Variants in RBFOX1 observed in about 807,000 individuals in gnomAD.
The protein encoded by RBFOX1 is RNA binding fox-1 homolog 1, also known as RNA binding protein fox-1 homolog 1.
RBFOX1 carries 8 observed loss-of-function variants against 57.7 expected under a neutral mutation model. The observed-to-expected ratio is 0.14, with a 90% CI of 0.08 to 0.25. RBFOX1 has a LOEUF of 0.25. RBFOX1 is among the 10% of genes least tolerant of loss of function. RBFOX1 has a pLI of 1.00. For synonymous variants in RBFOX1, 326 were observed against 222.4 expected (o/e 1.47, Z -4.15); for missense variants, 611 against 548.5 (o/e 1.11, Z -1.14).
At chr16:5,719,694 G>A (rs1434151878) in intron 3 of RBFOX1, among the ~76,000 whole-genome samples, 1 of 151,926 alleles carries the variant, frequency 6.6e-6, no homozygotes, top group Non-Finnish European at 1.5e-5. Context: ...TTTTTTTGCT[G>A]AGCATAAATG....
intron 3 of RBFOX1, among the ~76,000 whole-genome samples, chr16:6,968,432 A>G (rs2084776876): frequency 6.6e-6 from 1 of 152,102 alleles, no homozygotes; most frequent in Non-Finnish European, 1.5e-5. Flanking sequence ...CACGCAGCTG[A>G]AATAAAAGCA....
chr16:7,112,361 C>G (rs988287456), intron 4 of RBFOX1, among the ~76,000 whole-genome samples: 33 of 142,148 alleles, frequency 2.3e-4, no homozygotes, highest in African/African-American at 8.2e-4. Context: ...TGCCACCACA[C>G]CTGGCTAATT....
At chr16:7,062,946 C>G (rs927251737) in intron 4 of RBFOX1, among the ~76,000 whole-genome samples, 2 of 63,080 alleles carry the variant, frequency 3.2e-5, no homozygotes, top group Non-Finnish European at 6.2e-5. Flanking sequence ...TTAGTCAGAC[C>G]TATTCCTTTT....
At chr16:6,514,162 G>A (rs923251203) in intron 2 of RBFOX1, among the ~76,000 whole-genome samples, 1 of 152,150 alleles carries the variant, frequency 6.6e-6, no homozygotes, top group African/African-American at 2.4e-5. Flanking sequence ...TGCTCTTTCT[G>A]CTTTTGAGCC....
chr16:5,674,597 C>T (rs1475881673), intron 3 of RBFOX1, among the ~76,000 whole-genome samples: 3 of 152,232 alleles, frequency 2.0e-5, no homozygotes, highest in Non-Finnish European at 2.9e-5. Context: ...TTGGAAGCAT[C>T]TCATAGAACA....
intron 2 of RBFOX1, among the ~76,000 whole-genome samples, chr16:6,474,989 A>G (rs1034513673): frequency 6.6e-6 from 1 of 152,218 alleles, no homozygotes; most frequent in East Asian, 1.9e-4. Context: ...CTTACAGCAC[A>G]AAGTGTTCAT....
chr16:7,029,059 T>TATAC (rs2041886024), intron 3 of RBFOX1, among the ~76,000 whole-genome samples: 1 of 30,242 alleles, frequency 3.3e-5, no homozygotes, highest in Non-Finnish European at 5.0e-5. Context: ...TATATATATA[T>TATAC]ATATATATAT....
intron 2 of RBFOX1, among the ~76,000 whole-genome samples, chr16:6,533,332 C>G (rs1476971): frequency 0.44 from 67,529 of 152,000 alleles, 15,371 homozygotes; most frequent in Non-Finnish European, 0.49. Context: ...ATTTGAGAAC[C>G]TGGCTCAGAA....
At chr16:6,869,402 C>A (rs2060483835) in intron 3 of RBFOX1, among the ~76,000 whole-genome samples, 1 of 151,768 alleles carries the variant, frequency 6.6e-6, no homozygotes, top group Non-Finnish European at 1.5e-5. Context: ...CTTTCAAGCT[C>A]CAAATTCTGT....
At chr16:5,585,183 G>A (rs72763257) in intron 2 of RBFOX1, among the ~76,000 whole-genome samples, 16 of 151,470 alleles carry the variant, frequency 1.1e-4, no homozygotes, top group East Asian at 3.9e-4. Flanking sequence ...CCCTCCCCCC[G>A]TCCCTGGAAA....
intron 5 of RBFOX1, among the ~76,000 whole-genome samples, chr16:7,567,806 TC>T (rs535776888): frequency 6.8e-6 from 1 of 147,924 alleles, no homozygotes; most frequent in Non-Finnish European, 1.5e-5. Flanking sequence ...CCTATATATA[TC>T]CCCATATATA....
chr16:7,710,005 C>T lies in RBFOX1; in HGVS notation c.1072-618C>T, dbSNP rs1234486475. ...TTTAGAAAAAGGAAATCGTTAAGTG[C>T]CACCTTGTAGCCATTAAAACCATGG... On this transcript the variant is annotated intron_variant, in intron 15 of 15. Coordinates refer to ENST00000550418, the MANE Select transcript of RBFOX1 (RefSeq NM_018723.4). 9 of 1,008,416 alleles carry T rather than the reference C, an allele frequency of 8.9e-6. No homozygotes were observed. The East Asian group carries it at 3.3e-4, about 37-fold the overall frequency. The allele number at this position is 1,008,416 out of a possible 1,614,324, so 62.5% of individuals were successfully genotyped here.
At chr16:6,620,742 G>C (rs913505764) in intron 2 of RBFOX1, among the ~76,000 whole-genome samples, 2 of 152,114 alleles carry the variant, frequency 1.3e-5, no homozygotes, top group African/African-American at 4.8e-5. Flanking sequence ...ACATAAACTA[G>C]AAACTCTGAA....
chr16:6,845,262 C>G (rs760266663), intron 3 of RBFOX1, among the ~76,000 whole-genome samples: 3 of 151,924 alleles, frequency 2.0e-5, no homozygotes, highest in Non-Finnish European at 4.4e-5. Context: ...GTACCTGTGT[C>G]CTGAATGGTA....
chr16:6,988,836 A>G (rs538829379), intron 3 of RBFOX1, among the ~76,000 whole-genome samples: 1 of 151,392 alleles, frequency 6.6e-6, no homozygotes, highest in Admixed American at 6.6e-5. Flanking sequence ...CAATGGCATA[A>G]TCTCGGCTCA....
At chr16:5,400,067 T>G (rs773065748) in intron 1 of RBFOX1, among the ~76,000 whole-genome samples, 1 of 151,862 alleles carries the variant, frequency 6.6e-6, no homozygotes, top group African/African-American at 2.4e-5. Context: ...ATTGCTTGCT[T>G]TTCTTCTTTC....
intron 2 of RBFOX1, among the ~76,000 whole-genome samples, chr16:6,390,752 G>A (rs890207673): frequency 2.0e-5 from 3 of 152,090 alleles, no homozygotes; most frequent in Non-Finnish European, 2.9e-5. Flanking sequence ...TATAAATATC[G>A]GGGCAGGGGG....
intron 3 of RBFOX1, among the ~76,000 whole-genome samples, chr16:5,859,124 G>T (rs185222354): frequency 2.2e-4 from 34 of 152,310 alleles, no homozygotes; most frequent in African/African-American, 7.7e-4. Context: ...AGAATTGCTT[G>T]AACCTGGGAG....
At chr16:5,279,008 A>G (rs1434180123) in intron 1 of RBFOX1, among the ~76,000 whole-genome samples, 1 of 152,116 alleles carries the variant, frequency 6.6e-6, no homozygotes, top group Non-Finnish European at 1.5e-5. Context: ...GTACATTTTT[A>G]AATCAGGTAG....
Sources: allele counts gnomAD v4.1 joint callset (sites outside exome capture counted in the v4.1 genomes callset), GRCh38; gene constraint gnomAD v4.1.1; transcripts MANE v1.5; gene names NCBI Gene and HGNC (gene_info 2026-07-23, HGNC 2026-07-21).